LIMS1: variants seen among roughly 807,000 people sequenced by gnomAD.
The protein encoded by LIMS1 is LIM and senescent cell antigen-like-containing domain protein 1.
A neutral mutation model predicts 44.1 loss-of-function variants in LIMS1; 18 were observed. The ratio of observed to expected loss-of-function variants is 0.41; its 90% CI spans 0.28 to 0.61. The LOEUF (loss-of-function observed/expected upper bound fraction) is 0.61. LIMS1 is among the 20% of genes least tolerant of loss of function. LIMS1 has a pLI of 0.32. For synonymous variants in LIMS1, 93 were observed against 149.1 expected, an observed-to-expected ratio of 0.62 and a Z score of 2.74; for missense variants, 201 against 422.0, an observed-to-expected ratio of 0.48 and a Z score of 4.59.
intron 1 of LIMS1, among the ~76,000 whole-genome samples, chr2:108,628,822 G>GT (rs1287249175): frequency 1.3e-5 from 2 of 152,122 alleles, no homozygotes; most frequent in Non-Finnish European, 2.9e-5. Context: ...GAAGGTTCTT[G>GT]TTTTTTCTGA....
chr2:108,626,544 T>C, intron 1 of LIMS1, among the ~76,000 whole-genome samples: 1 of 152,108 alleles, frequency 6.6e-6, no homozygotes, highest in Non-Finnish European at 1.5e-5. Flanking sequence ...CCCACCCCCA[T>C]ATAATAGAGA....
At chr2:108,599,928 T>C (rs1686913334) in intron 1 of LIMS1, among the ~76,000 whole-genome samples, 1 of 151,864 alleles carries the variant, frequency 6.6e-6, no homozygotes, top group Admixed American at 6.6e-5. Flanking sequence ...ATATTCTGGT[T>C]ATTAACCCCT....
intron 1 of LIMS1, among the ~76,000 whole-genome samples, chr2:108,651,452 A>G (rs1179967143): frequency 6.6e-6 from 1 of 152,284 alleles, no homozygotes; most frequent in East Asian, 1.9e-4. Context: ...GGAGAGAATG[A>G]GATCTAGCAA....
chr2:108,619,041 G>A (rs975197900), intron 1 of LIMS1, among the ~76,000 whole-genome samples: 2 of 151,238 alleles, frequency 1.3e-5, no homozygotes, highest in Admixed American at 6.6e-5. Context: ...GCTCTCCCCC[G>A]CCCCGTCTAA....
chr2:108,605,271 G>T (rs1264810338), intron 1 of LIMS1, among the ~76,000 whole-genome samples: 1 of 152,186 alleles, frequency 6.6e-6, no homozygotes, highest in Non-Finnish European at 1.5e-5. Context: ...GTGTCCAAAG[G>T]TGTAGGGCTG....
intron 1 of LIMS1, among the ~76,000 whole-genome samples, chr2:108,560,157 T>TG (rs11415236): frequency 0.05 from 7,652 of 152,268 alleles, 275 homozygotes; most frequent in South Asian, 0.15. Context: ...ATGAGGTTGC[T>TG]GTCACCTCTC....
intron 1 of LIMS1, among the ~76,000 whole-genome samples, chr2:108,624,706 G>A (rs540757947): frequency 4.6e-5 from 7 of 152,226 alleles, no homozygotes; most frequent in East Asian, 1.9e-4. Context: ...GCAGTGAGCC[G>A]AGATCGCGCC....
At chr2:108,591,313 A>G (rs1374463399) in intron 1 of LIMS1, among the ~76,000 whole-genome samples, 4 of 152,118 alleles carry the variant, frequency 2.6e-5, no homozygotes, top group African/African-American at 9.7e-5. Flanking sequence ...TCCTGTAGCA[A>G]AGGACTGAGC....
chr2:108,660,094 C>T (rs1691243384), intron 2 of LIMS1: 2 of 445,784 alleles, frequency 4.5e-6, no homozygotes, highest in African/African-American at 4.1e-5. Flanking sequence ...TCTTCAGCCA[C>T]ACTCAGGCCC....
intron 1 of LIMS1, among the ~76,000 whole-genome samples, chr2:108,569,093 G>T (rs754503554): frequency 7.9e-5 from 12 of 152,048 alleles, no homozygotes; most frequent in Non-Finnish European, 1.8e-4. Context: ...GGGTTTCACT[G>T]TGTTGGCCAG....
chr2:108,564,822 CTG>C (rs1422842225), intron 1 of LIMS1, among the ~76,000 whole-genome samples: 1 of 149,586 alleles, frequency 6.7e-6, no homozygotes, highest in African/African-American at 2.5e-5. Flanking sequence ...AAAGACAACA[CTG>C]TAAAAAAAAA....
intron 1 of LIMS1, among the ~76,000 whole-genome samples, chr2:108,579,276 T>C (rs1044825419): frequency 3.3e-5 from 5 of 152,202 alleles, no homozygotes; most frequent in African/African-American, 9.7e-5. Context: ...ATAAAGAATT[T>C]TTATCGAACC....
At chr2:108,665,133 G>A (rs1189700343) in intron 2 of LIMS1, among the ~76,000 whole-genome samples, 4 of 152,188 alleles carry the variant, frequency 2.6e-5, no homozygotes, top group Non-Finnish European at 5.9e-5. Context: ...TTCAGGTACA[G>A]ATATGCACGC....
chr2:108,619,249 G>A (rs1688100078), intron 1 of LIMS1, among the ~76,000 whole-genome samples: 1 of 151,932 alleles, frequency 6.6e-6, no homozygotes, highest in Admixed American at 6.6e-5. Context: ...ATTTAATGTT[G>A]GGATTTCTGT....
In LIMS1 at chr2:108,681,495, G is replaced by A. The variant is rs191345105; in HGVS notation, c.899+725G>A. The A allele has an allele frequency of 6.1e-6, 6 of 979,012 alleles. No homozygotes were observed. The East Asian group carries it at 6.8e-4, about 112-fold the overall frequency. 60.6% of individuals were successfully genotyped at this position (979,012 alleles called of 1,614,324 possible). A position where few individuals can be genotyped will look rare whatever the true frequency, so the allele number is the denominator to read the frequency against. ...AATAGACCCTGGAAAACATTTTAAA[G>A]GATTTTTGTCTGATTAACTGTAGCT... On this transcript the variant is annotated intron_variant, in intron 9 of 9. Transcript: ENST00000544547.
intron 2 of LIMS1, chr2:108,660,096 C>G: frequency 2.2e-6 from 1 of 445,870 alleles, no homozygotes; most frequent in South Asian, 1.9e-5. Flanking sequence ...TTCAGCCACA[C>G]TCAGGCCCCC....
chr2:108,600,837 T>G (rs1686967894), intron 1 of LIMS1, among the ~76,000 whole-genome samples: 1 of 152,176 alleles, frequency 6.6e-6, no homozygotes, highest in East Asian at 1.9e-4. Context: ...TTGCTTAAGA[T>G]AGCTTTGGCT....
chr2:108,535,593 C>A (rs897849514), intron 1 of LIMS1, among the ~76,000 whole-genome samples: 1 of 152,206 alleles, frequency 6.6e-6, no homozygotes, highest in South Asian at 2.1e-4. Flanking sequence ...CTCAAGCTGA[C>A]GCATTTCATT....
At chr2:108,604,531 T>C (rs1687168776) in intron 1 of LIMS1, among the ~76,000 whole-genome samples, 1 of 152,262 alleles carries the variant, frequency 6.6e-6, no homozygotes, top group Non-Finnish European at 1.5e-5. Context: ...TCAGATCTTT[T>C]ATCCTTAGCC....
Sources: allele counts gnomAD v4.1 joint callset (sites outside exome capture counted in the v4.1 genomes callset), GRCh38; gene constraint gnomAD v4.1.1; transcripts MANE v1.5; gene names NCBI Gene and HGNC (gene_info 2026-07-23, HGNC 2026-07-21).